CCDC178: variants seen among roughly 807,000 people sequenced by gnomAD.
CCDC178 encodes coiled-coil domain-containing protein 178.
CCDC178 carries 126 observed loss-of-function variants against 117.4 expected under a neutral mutation model. The ratio of observed to expected loss-of-function variants is 1.07; its 90% confidence interval spans 0.93 to 1.24. The LOEUF (loss-of-function observed/expected upper bound fraction) is 1.24, where lower values mean the gene tolerates loss of function less well. Among genes scored for constraint, CCDC178 ranks in the 50% most tolerant of loss-of-function variants. The pLI, the probability that CCDC178 is intolerant of heterozygous loss-of-function variation, is 0.00. For missense variants in CCDC178, 1,030 were observed against 986.9 expected (o/e 1.04, Z -0.59); for synonymous variants, 283 against 313.4 (o/e 0.90, Z 1.02).
At position 33,338,805 on chromosome 18, in the gene CCDC178, T is replaced by A. The variant is rs557226685; in HGVS notation, c.659-5411A>T. The stretch of plus-strand genomic sequence containing the variant: ...ACATTGTGTACACAATGTACAGTGA[T>A]AAGTGCACCAAAATCTCAGAAATCA... On this transcript the variant is annotated intron_variant, in intron 9 of 22. Coordinates refer to ENST00000383096, the MANE Select transcript of CCDC178 (RefSeq NM_001105528.4). 2.6e-5 allele frequency among the ~76,000 whole-genome samples: 4 copies of A among 152,160 alleles called. No individual in the cohort carries two copies. The South Asian group carries it at 8.3e-4, about 32-fold the overall frequency.
chr18:33,417,769 A>G (rs1361521406), intron 2 of CCDC178, among the ~76,000 whole-genome samples: 1 of 152,146 alleles, frequency 6.6e-6, no homozygotes, highest in African/African-American at 2.4e-5. Context: ...TTTCAAAATA[A>G]AAAGCTTCTC....
chr18:33,388,155 T>A (rs1282267828), intron 5 of CCDC178, among the ~76,000 whole-genome samples: 1 of 151,960 alleles, frequency 6.6e-6, no homozygotes, highest in Non-Finnish European at 1.5e-5. Flanking sequence ...AAATCAAAAC[T>A]ACAATGAGAT....
At chr18:33,056,488 T>C (rs2056832040) in intron 21 of CCDC178, among the ~76,000 whole-genome samples, 1 of 152,188 alleles carries the variant, frequency 6.6e-6, no homozygotes, top group South Asian at 2.1e-4. Context: ...TCACCCCTAT[T>C]AAAAATGATT....
chr18:33,110,642 T>C (rs1216530545), intron 20 of CCDC178, among the ~76,000 whole-genome samples: 2 of 151,698 alleles, frequency 1.3e-5, no homozygotes, highest in African/African-American at 4.8e-5. Context: ...GTACTATTTA[T>C]TGATTCAGCA....
chr18:33,398,102 T>C (rs1266274332), intron 3 of CCDC178, among the ~76,000 whole-genome samples: 1 of 152,040 alleles, frequency 6.6e-6, no homozygotes, highest in Non-Finnish European at 1.5e-5. Flanking sequence ...AATCTAAAAA[T>C]TATGGCAAAT....
chr18:33,257,447 T>A (rs555304250), intron 14 of CCDC178, among the ~76,000 whole-genome samples: 1 of 152,230 alleles, frequency 6.6e-6, no homozygotes, highest in African/African-American at 2.4e-5. Context: ...GCCACTAAAA[T>A]TTAATTCCCT....
chr18:32,961,751 C>T (rs982501192), intron 22 of CCDC178, among the ~76,000 whole-genome samples: 1 of 152,040 alleles, frequency 6.6e-6, no homozygotes, highest in African/African-American at 2.4e-5. Context: ...TGACAGGAGG[C>T]GGAGCTGTGT....
intron 2 of CCDC178, among the ~76,000 whole-genome samples, chr18:33,435,684 T>TAATAATAATATTTATTATAATAC (rs2064279365): frequency 7.0e-6 from 1 of 143,782 alleles, no homozygotes; most frequent in Non-Finnish European, 1.5e-5. Context: ...ACATTATTTA[T>TAATAATAATATTTATTATAATAC]AATAATAATA....
intron 12 of CCDC178, among the ~76,000 whole-genome samples, chr18:33,279,754 A>G (rs1254360633): frequency 6.6e-6 from 1 of 152,160 alleles, no homozygotes; most frequent in Non-Finnish European, 1.5e-5. Flanking sequence ...CAAAACAGAG[A>G]TATAGATCAA....
chr18:32,955,516 TC>T (rs1568179091), intron 22 of CCDC178, among the ~76,000 whole-genome samples: 1 of 152,186 alleles, frequency 6.6e-6, no homozygotes, highest in Non-Finnish European at 1.5e-5. Context: ...TAGAATTTTT[TC>T]TTAGCAGGAA....
At chr18:33,379,070 A>T (rs1391605584) in intron 5 of CCDC178, among the ~76,000 whole-genome samples, 1 of 146,170 alleles carries the variant, frequency 6.8e-6, no homozygotes, top group East Asian at 2.0e-4. Flanking sequence ...TCATGCAGGT[A>T]GGATTTTTTC....
At chr18:33,242,324 G>T (rs187809551) in intron 15 of CCDC178, among the ~76,000 whole-genome samples, 3 of 151,646 alleles carry the variant, frequency 2.0e-5, no homozygotes, top group Non-Finnish European at 4.4e-5. Flanking sequence ...TAGGATAAAT[G>T]CTTCAGAACA....
At chr18:33,183,527 A>G (rs562898712) in intron 20 of CCDC178, among the ~76,000 whole-genome samples, 1 of 152,114 alleles carries the variant, frequency 6.6e-6, no homozygotes, top group East Asian at 1.9e-4. Context: ...GCACGGTATG[A>G]TTGCTAAAAA....
At chr18:32,988,109 T>C (rs2055304426) in intron 21 of CCDC178, among the ~76,000 whole-genome samples, 1 of 140,496 alleles carries the variant, frequency 7.1e-6, no homozygotes, top group Admixed American at 7.2e-5. Flanking sequence ...ATAATAATAA[T>C]AATAATAATA....
intron 5 of CCDC178, among the ~76,000 whole-genome samples, chr18:33,384,805 C>T (rs1311458960): frequency 1.3e-5 from 2 of 152,112 alleles, no homozygotes; most frequent in African/African-American, 2.4e-5. Context: ...ACTATATTAA[C>T]AAGTTTGCAA....
At chr18:33,034,219 C>G (rs1236889425) in intron 21 of CCDC178, among the ~76,000 whole-genome samples, 1 of 151,886 alleles carries the variant, frequency 6.6e-6, no homozygotes, top group African/African-American at 2.4e-5. Flanking sequence ...TTACAGACAC[C>G]TTCTGCATTA....
chr18:33,261,180 T>A (rs549982266), intron 14 of CCDC178, among the ~76,000 whole-genome samples: 1 of 152,184 alleles, frequency 6.6e-6, no homozygotes, highest in South Asian at 2.1e-4. Flanking sequence ...GCCTCCTGGG[T>A]TCACGCCATT....
At chr18:33,158,739 A>AT (rs1175419565) in intron 20 of CCDC178, among the ~76,000 whole-genome samples, 10 of 152,188 alleles carry the variant, frequency 6.6e-5, no homozygotes, top group Non-Finnish European at 1.3e-4. Context: ...TTACAATGTT[A>AT]TTTTTTGTAT....
Position 33,267,045 on chromosome 18 carries a change from G to A in CCDC178, c.1280C>T (p.Thr427Ile), listed in dbSNP as rs764431212. ...AACATCAGAAAGCTCAATATCCCAT[G>A]TTTTTTTCTTTAAGAAAAGAATAAA... ...AVNDFYAAKK[T>I]WDIELSDVAK... Residue 427 changes from threonine to isoleucine, a missense_variant, in exon 14 of 23, where the codon ACA (threonine) becomes ATA (isoleucine). Thr to Ile is a moderately conservative substitution (Grantham distance 89). Coordinates refer to ENST00000383096, the MANE Select transcript of CCDC178 (RefSeq NM_001105528.4). 1.0e-5 allele frequency: 16 copies of A among 1,581,466 alleles called. No individual in the cohort carries two copies. In the African/African-American group the frequency reaches 1.2e-4, roughly 12 times the overall value.
Sources: gnomAD v4.1 joint callset for allele counts (sites outside exome capture counted in the v4.1 genomes callset) on GRCh38, gnomAD v4.1.1 for gene constraint, MANE v1.5 for transcripts, NCBI Gene and HGNC (gene_info 2026-07-23, HGNC 2026-07-21) for gene names.